The following KDSR variants were observed in gnomAD, a reference collection of about 807,000 sequenced individuals.
KDSR encodes the protein 3-ketodihydrosphingosine reductase, also known as 3-dehydrosphinganine reductase.
Under a neutral mutation model 41.3 loss-of-function variants are expected in KDSR, and 23 were observed. The ratio of observed to expected loss-of-function variants is 0.56; its 90% CI spans 0.40 to 0.79. The LOEUF is 0.79. KDSR is among the 30% of genes least tolerant of loss of function. The pLI, the probability that KDSR is intolerant of heterozygous loss-of-function variation, is 0.00. For synonymous variants in KDSR, 138 were observed against 151.7 expected (o/e 0.91, Z 0.66); for missense variants, 351 against 416.8 (o/e 0.84, Z 1.37).
intron 5 of KDSR, among the ~76,000 whole-genome samples, chr18:63,351,662 G>A (rs1044000963): frequency 1.3e-5 from 2 of 152,222 alleles, no homozygotes; most frequent in African/African-American, 4.8e-5. Context: ...ACAAGCGCTA[G>A]CACAGTCCTG....
At chr18:63,332,831 CAA>C (rs1159424416) in intron 9 of KDSR, among the ~76,000 whole-genome samples, 75 of 75,032 alleles carry the variant, frequency 1.0e-3, no homozygotes, top group East Asian at 4.9e-3. Flanking sequence ...GACTCCGTCT[CAA>C]AAAAAAAAAA....
Position 63,342,168 on chromosome 18 carries a change from C to CA in KDSR, c.693+2241dup, listed in dbSNP as rs57407258. On this transcript the variant is annotated intron_variant, in intron 7 of 9. Transcript: ENST00000645214. ...TGGGTGACAGAGCAAGACTCTATCA[C>CA]AAAAAAAAAAAAAAAAAAGGTTAAA... 3.8e-3 allele frequency among the ~76,000 whole-genome samples: 473 copies of CA among 123,662 alleles called. 6 individuals carry two copies. Among genetic ancestry groups the CA allele is most frequent in the East Asian group, 0.031 (122 of 3,874 alleles). 81.1% of individuals were successfully genotyped at this position (123,662 alleles called of 152,430 possible).
intron 7 of KDSR, among the ~76,000 whole-genome samples, chr18:63,339,365 G>C (rs1324874892): frequency 6.6e-6 from 1 of 152,232 alleles, no homozygotes; most frequent in Non-Finnish European, 1.5e-5. Context: ...CCAAGGCAGG[G>C]ACAGTCGCAA....
At chr18:63,332,698 G>A (rs974479782) in intron 9 of KDSR, among the ~76,000 whole-genome samples, 3 of 152,180 alleles carry the variant, frequency 2.0e-5, no homozygotes, top group East Asian at 1.9e-4. Flanking sequence ...CGCGTGTGGC[G>A]GTGTGCGCCT....
At chr18:63,339,018 G>A in intron 7 of KDSR, 135 bp from the exon 8 acceptor site, 1 of 594,158 alleles carries the variant, frequency 1.7e-6, no homozygotes, top group Admixed American at 3.4e-5. Context: ...TCTAGAATAA[G>A]GTCCATCTGG....
In KDSR at chr18:63,351,007, G is replaced by A. The variant is rs769274445; in HGVS notation, c.490C>T (p.Arg164Trp). ...RAVITTMKERRVGRIVFVSSQ... is the reference protein window; with the variant it reads ...RAVITTMKERWVGRIVFVSSQ... ...GACACAAACACGATCCTGCCCACCC[G>A]GCGCTCCTTCATGGTGGTGATCACG... The change falls in exon 6 of 10, where the codon CGG (arginine) becomes TGG (tryptophan). Residue 164 changes from arginine (R) to tryptophan (W), a missense_variant. By Grantham distance (101) the Arg-to-Trp change is moderately radical. Transcript: ENST00000645214. The A allele has an allele frequency of 1.1e-5, 18 of 1,613,996 alleles. No individual in the cohort carries two copies. The Admixed American group carries it at 1.2e-4, about 10-fold the overall frequency.
chr18:63,338,882 G>C lies in KDSR; in HGVS notation c.695C>G (p.Pro232Arg). 1.9e-6 allele frequency: 3 copies of C among 1,592,482 alleles called. No homozygotes were observed. The highest frequency in any genetic ancestry group is 2.6e-6 in the Non-Finnish European group (3 of 1,169,410). Residue 232 changes from proline to arginine, a missense_variant and splice_region_variant, in exon 8 of 10, where the codon CCT becomes CGT. By Grantham distance (103) the Pro-to-Arg change is moderately radical (BLOSUM62 -2). Coordinates refer to ENST00000645214, the MANE Select transcript of KDSR (RefSeq NM_002035.4). ...CTCTGAAATAAGTCGAGTCTCCAAA[G>C]GCTAAAAGTGGAAAAACATGTACAT... ...PGFAEENRTK[P>R]LETRLISETT...
At chr18:63,361,061 T>TATATATAATAA (rs1914964008) in intron 2 of KDSR, among the ~76,000 whole-genome samples, 1 of 77,938 alleles carries the variant, frequency 1.3e-5, no homozygotes, top group East Asian at 7.0e-4. Flanking sequence ...TATATATATG[T>TATATATAATAA]AAATATATAT....
intron 3 of KDSR, among the ~76,000 whole-genome samples, chr18:63,357,592 A>ATTTTTTT (rs758193283): frequency 1.9e-4 from 23 of 117,982 alleles, no homozygotes; most frequent in African/African-American, 6.7e-4. Context: ...ATATATATAT[A>ATTTTTTT]TATTTTTTTT....
chr18:63,329,850 T>C lies in KDSR; in HGVS notation c.*1932A>G. The C allele has an allele frequency of 5.1e-6, 1 of 194,570 alleles. No individual in the cohort carries two copies. The highest frequency in any genetic ancestry group is 1.1e-5 in the Non-Finnish European group (1 of 93,378). The allele number at this position is 194,570 out of a possible 1,614,324, so 12.1% of individuals were successfully genotyped here. ...AATAAAACTGAGAAACATCCAGACATTAATGCAATTGTTTTCTGCAAATTA... is the reference window on the plus strand; with the variant it reads ...AATAAAACTGAGAAACATCCAGACACTAATGCAATTGTTTTCTGCAAATTA... On this transcript the variant is annotated 3_prime_UTR_variant, in exon 10 of 10. Transcript: ENST00000645214.
chr18:63,335,364 A>C lies in KDSR; in HGVS notation c.778-6T>G, dbSNP rs772354840. 1 of 1,596,806 alleles carries C rather than the reference A, an allele frequency of 6.3e-7. No homozygotes were observed. The highest frequency in any genetic ancestry group is 1.1e-5 in the South Asian group (1 of 90,690). On this transcript the variant is annotated splice_polypyrimidine_tract_variant and splice_region_variant and intron_variant, in intron 8 of 9. Coordinates refer to ENST00000645214, the MANE Select transcript of KDSR (RefSeq NM_002035.4). ...GAACTGTTGAAATTTCCTTGCTAAA[A>C]GAGAAGAAAAAGAAGAGAAAGAGGG...
At chr18:63,355,355 A>G (rs923004463) in intron 4 of KDSR, 56 bp from the exon 5 acceptor site, 31 of 1,606,564 alleles carry the variant, frequency 1.9e-5, no homozygotes, top group Non-Finnish European at 3.4e-6. Flanking sequence ...ACCACTCAGC[A>G]GCAAATCCAT....
At position 63,360,992 on chromosome 18, in the gene KDSR, T is replaced by TAAA. The variant is rs377005462; in HGVS notation, c.199-1203_199-1201dup. On this transcript the variant is annotated intron_variant, in intron 2 of 9. Transcript: ENST00000645214. The stretch of plus-strand genomic sequence containing the variant: ...CAACATAGTAAAACCCTGTCTCTAC[T>TAAA]AAAAAAAAAATATATATATATATAA... 2.9e-3 allele frequency among the ~76,000 whole-genome samples: 327 copies of TAAA among 113,476 alleles called. 8 individuals are homozygous for TAAA. The highest frequency in any genetic ancestry group is 0.012 in the African/African-American group (309 of 25,742). 74.4% of individuals were successfully genotyped at this position (113,476 alleles called of 152,430 possible).
chr18:63,358,586 C>G (rs1568282973), intron 3 of KDSR, among the ~76,000 whole-genome samples: 1 of 151,926 alleles, frequency 6.6e-6, no homozygotes, highest in Non-Finnish European at 1.5e-5. Flanking sequence ...CCAAGGCAGG[C>G]AGATCACCTG....
At chr18:63,366,938 G>C (rs1248745590) in intron 1 of KDSR, 73 bp downstream of exon 1, 2 of 764,150 alleles carry the variant, frequency 2.6e-6, no homozygotes, top group East Asian at 3.1e-5. Context: ...AAGGGACGTA[G>C]GCTACGCGGC....
At chr18:63,331,931 A>G in intron 9 of KDSR, 30 bp from the exon 10 acceptor site, 5 of 1,610,572 alleles carry the variant, frequency 3.1e-6, no homozygotes, top group Non-Finnish European at 4.2e-6. Context: ...CTTTTAGTGC[A>G]TCCAACGGTA....
At chr18:63,347,161 C>T (rs1914529664) in intron 6 of KDSR, among the ~76,000 whole-genome samples, 1 of 152,100 alleles carries the variant, frequency 6.6e-6, no homozygotes, top group African/African-American at 2.4e-5. Flanking sequence ...TTCTTCCCTT[C>T]TCCCTGGCCT....
At chr18:63,354,939 A>G (rs764900855) in intron 5 of KDSR, among the ~76,000 whole-genome samples, 7 of 152,226 alleles carry the variant, frequency 4.6e-5, no homozygotes, top group Non-Finnish European at 8.8e-5. Context: ...GAACTGCTAC[A>G]GTAATCTGTG....
At chr18:63,358,384 A>C (rs1424471755) in intron 3 of KDSR, among the ~76,000 whole-genome samples, 3 of 152,168 alleles carry the variant, frequency 2.0e-5, no homozygotes, top group African/African-American at 7.2e-5. Flanking sequence ...ATTGATTTTG[A>C]TGACAGTTGC....
Sources: allele counts gnomAD v4.1 joint callset (sites outside exome capture counted in the v4.1 genomes callset), GRCh38; gene constraint gnomAD v4.1.1; transcripts MANE v1.5; gene names NCBI Gene and HGNC (gene_info 2026-07-23, HGNC 2026-07-21).